SREK1: variants seen among roughly 807,000 people sequenced by gnomAD.
The protein encoded by SREK1 is splicing regulatory glutamic acid and lysine rich protein 1.
SREK1 carries 13 observed loss-of-function variants against 66.5 expected under a neutral mutation model. The observed-to-expected ratio is 0.20, with a 90% CI of 0.13 to 0.31. The LOEUF (loss-of-function observed/expected upper bound fraction) is 0.31. Among genes scored for constraint, SREK1 ranks in the 10% least tolerant of loss-of-function variants. The probability of loss-of-function intolerance (pLI) is 1.00; values close to 1 mark genes in which losing one functional copy is unlikely to be tolerated. For missense variants in SREK1, 607 were observed against 769.6 expected, an observed-to-expected ratio of 0.79 and a Z score of 2.50; for synonymous variants, 265 against 263.5, an observed-to-expected ratio of 1.01 and a Z score of -0.05.
At chr5:66,152,286 G>A (rs1158209493) in intron 1 of SREK1, among the ~76,000 whole-genome samples, 1 of 152,082 alleles carries the variant, frequency 6.6e-6, no homozygotes, top group African/African-American at 2.4e-5. Context: ...AAATTTAACC[G>A]TTATTAATGT....
chr5:66,176,985 T>C (rs1746105675), intron 10 of SREK1, among the ~76,000 whole-genome samples: 1 of 152,104 alleles, frequency 6.6e-6, no homozygotes, highest in South Asian at 2.1e-4. Context: ...GCCATGTTTG[T>C]ATTTTTGAAA....
intron 1 of SREK1, among the ~76,000 whole-genome samples, chr5:66,147,508 C>G (rs769203581): frequency 1.2e-4 from 18 of 152,282 alleles, no homozygotes; most frequent in Middle Eastern, 3.4e-3. Flanking sequence ...CCCGTGACCC[C>G]CTTCAAGTAA....
chr5:66,158,274 CTGAG>C (rs781523075), intron 2 of SREK1: 11 of 151,926 alleles, frequency 7.2e-5, no homozygotes, highest in Admixed American at 4.6e-4. Flanking sequence ...TTTTTTCCTA[CTGAG>C]TGTTATTAGA....
chr5:66,170,400 G>A (rs1402701315), intron 8 of SREK1, among the ~76,000 whole-genome samples, 185 bp from the exon 9 acceptor site: 1 of 152,124 alleles, frequency 6.6e-6, no homozygotes, highest in African/African-American at 2.4e-5. Flanking sequence ...ACTCAGTTCA[G>A]CTTGCGTAGT....
At chr5:66,177,422 AG>A in intron 10 of SREK1, 91 bp from the exon 11 acceptor site, 1 of 1,052,412 alleles carries the variant, frequency 9.5e-7, no homozygotes, top group Non-Finnish European at 1.3e-6. Context: ...GCATTATTTT[AG>A]ATATCCAGTG....
Position 66,175,014 on chromosome 5 carries a change from A to C in SREK1, c.1553A>C (p.Lys518Thr), listed in dbSNP as rs763810284. ...AGAACATCAAAAACCATAAAAAGGA[A>C]ATCTTCTAGATCTCCGTCCCCCAGG... ...SPRTSKTIKR[K>T]SSRSPSPRSR... Residue 518 changes from lysine to threonine, a missense_variant, in exon 10 of 12, where the codon AAA becomes ACA. Lys to Thr is a moderately conservative substitution (Grantham distance 78). Coordinates refer to ENST00000334121, the MANE Select transcript of SREK1 (RefSeq NM_001077199.3). The C allele has an allele frequency of 1.2e-6, 2 of 1,612,510 alleles. No individual in the cohort carries two copies. Among genetic ancestry groups the C allele is most frequent in the Non-Finnish European group, 1.7e-6 (2 of 1,179,182 alleles).
chr5:66,158,491 G>A (rs1744474639), intron 2 of SREK1: 1 of 153,772 alleles, frequency 6.5e-6, no homozygotes. Context: ...GTTCTTTTAG[G>A]CATCTCTGAT....
At chr5:66,157,741 TAAAG>T in intron 2 of SREK1, 1 of 917,096 alleles carries the variant, frequency 1.1e-6, no homozygotes, top group Non-Finnish European at 1.3e-6. Flanking sequence ...TTGAAAGTAA[TAAAG>T]TAATATAAAC....
chr5:66,164,576 T>G, intron 6 of SREK1: 1 of 1,504,562 alleles, frequency 6.6e-7, no homozygotes, highest in South Asian at 1.2e-5. Context: ...AACAGCTGTT[T>G]ATAATCATCT....
intron 1 of SREK1, chr5:66,144,826 C>T: frequency 1.8e-6 from 2 of 1,121,120 alleles, no homozygotes; most frequent in Non-Finnish European, 2.2e-6. Context: ...ATTCCGTGCC[C>T]CCACCCTCTT....
intron 7 of SREK1, chr5:66,167,570 A>G (rs1200844395): frequency 3.3e-5 from 5 of 152,230 alleles, no homozygotes; most frequent in Non-Finnish European, 7.4e-5. Flanking sequence ...GACTACTTCT[A>G]GCATTCTTAA....
intron 1 of SREK1, among the ~76,000 whole-genome samples, chr5:66,147,049 A>G (rs944266213): frequency 2.0e-5 from 3 of 152,228 alleles, no homozygotes; most frequent in East Asian, 1.9e-4. Flanking sequence ...TGAGACCCCT[A>G]TCTCTTAAAA....
intron 2 of SREK1, 183 bp downstream of exon 2, chr5:66,153,779 T>A: frequency 6.2e-6 from 4 of 649,824 alleles, no homozygotes. Context: ...TTATGACATG[T>A]ACATTTGAGG....
intron 10 of SREK1, among the ~76,000 whole-genome samples, chr5:66,175,856 A>T (rs1746015041): frequency 6.6e-6 from 1 of 152,072 alleles, no homozygotes; most frequent in Non-Finnish European, 1.5e-5. Context: ...TTGTTTAGTG[A>T]TGTGATTATA....
rs745760835 is a variant in SREK1, at chr5:66,178,907, A to T, written c.*39A>T. 6.6e-7 allele frequency: 1 copy of T among 1,519,758 alleles called. No individual in the cohort carries two copies. The highest frequency in any genetic ancestry group is 1.3e-5 in the South Asian group (1 of 74,498). The allele number at this position is 1,519,758 out of a possible 1,614,324, so 94.1% of individuals were successfully genotyped here. The stretch of plus-strand genomic sequence containing the variant: ...ACCTCTGCACTCAATGCTGGAATCA[A>T]ATCCAAAGCTTTTAATTCTCTCAAC... On this transcript the variant is annotated 3_prime_UTR_variant, in exon 12 of 12. Transcript: ENST00000334121.
intron 3 of SREK1, among the ~76,000 whole-genome samples, chr5:66,160,387 T>C (rs984323047): frequency 6.6e-6 from 1 of 152,166 alleles, no homozygotes; most frequent in Non-Finnish European, 1.5e-5. Context: ...AATTTTAGAT[T>C]TGTAGTTTTT....
intron 1 of SREK1, among the ~76,000 whole-genome samples, chr5:66,147,340 T>C (rs1486602139): frequency 6.6e-6 from 1 of 152,198 alleles, no homozygotes; most frequent in Non-Finnish European, 1.5e-5. Flanking sequence ...CTTACACAAG[T>C]AAGAAATCCT....
intron 7 of SREK1, chr5:66,165,204 G>GTT (rs1457574546): frequency 5.9e-5 from 11 of 186,982 alleles, no homozygotes; most frequent in South Asian, 5.3e-4. Context: ...GACAAAAGCT[G>GTT]TTTTCATTCT....
At chr5:66,164,354 C>G in intron 6 of SREK1, 10 of 323,674 alleles carry the variant, frequency 3.1e-5, no homozygotes, top group South Asian at 2.7e-4. Flanking sequence ...AAAAGAACAT[C>G]TATTTAAACT....
Sources: gnomAD v4.1 joint callset for allele counts (sites outside exome capture counted in the v4.1 genomes callset) on GRCh38, gnomAD v4.1.1 for gene constraint, MANE v1.5 for transcripts, NCBI Gene and HGNC (gene_info 2026-07-23, HGNC 2026-07-21) for gene names.